The following USP36 variants were observed in gnomAD, a reference collection of about 807,000 sequenced individuals.
The protein encoded by USP36 is ubiquitin carboxyl-terminal hydrolase 36.
In USP36, 59 loss-of-function variants were observed where a neutral mutation model predicts 111.5. The observed-to-expected ratio is 0.53, with a 90% confidence interval of 0.43 to 0.66. The LOEUF is 0.66. Ranked by LOEUF, USP36 falls within the 30% of genes least tolerant of loss-of-function variation. The pLI, the probability that USP36 is intolerant of heterozygous loss-of-function variation, is 0.00. For synonymous variants in USP36, 628 were observed against 581.0 expected (o/e 1.08, Z -1.16); for missense variants, 1,488 against 1,468.0 (o/e 1.01, Z -0.22).
chr17:78,788,160 T>TTTTA (rs1036417271), intron 3 of USP36, among the ~76,000 whole-genome samples: 2 of 152,110 alleles, frequency 1.3e-5, no homozygotes, highest in African/African-American at 2.4e-5. Flanking sequence ...GCATAGGTTA[T>TTTTA]TTTATTTATT....
chr17:78,824,614 T>A (rs982883983), intron 6 of USP36, among the ~76,000 whole-genome samples: 1 of 152,044 alleles, frequency 6.6e-6, no homozygotes, highest in Admixed American at 6.6e-5. Flanking sequence ...TCCAAAGAAA[T>A]TTGAGAAATA....
chr17:78,819,586 G>A (rs983049651), intron 9 of USP36, among the ~76,000 whole-genome samples: 1 of 152,258 alleles, frequency 6.6e-6, no homozygotes, highest in African/African-American at 2.4e-5. Context: ...ACTGATGTGA[G>A]CTCGTGCTCT....
chr17:78,807,363 T>G lies in USP36; in HGVS notation c.1681A>C (p.Ser561Arg). The G allele has an allele frequency of 1.2e-6, 2 of 1,614,232 alleles. No homozygotes were observed. Among genetic ancestry groups the G allele is most frequent in the Non-Finnish European group, 1.7e-6 (2 of 1,180,038 alleles). The change falls in exon 14 of 21, where the codon AGC (serine) becomes CGC (arginine). Residue 561 changes from serine (S) to arginine (R), a missense_variant. Physicochemically the swap from Ser to Arg is moderately radical, Grantham distance 110. Transcript: ENST00000449938. ...TGCCTTTGGCTCCCAGATCTGCTGC[T>G]ATTCGAGTTGCTGGTCCCAGGCAGC... ...QGLPGTSNSN[S>R]SRSGSQRQGS...
intron 8 of USP36, among the ~76,000 whole-genome samples, chr17:78,820,213 G>A (rs1443694649): frequency 2.0e-5 from 3 of 152,160 alleles, no homozygotes; most frequent in Non-Finnish European, 2.9e-5. Flanking sequence ...AGCGGCTCAC[G>A]CCTATAATCC....
chr17:78,822,129 C>T (rs533579308), intron 6 of USP36, 125 bp from the exon 7 acceptor site: 137 of 1,035,924 alleles, frequency 1.3e-4, no homozygotes, highest in African/African-American at 1.3e-4. Flanking sequence ...CTCCACCCCC[C>T]ACCCGAGTCA....
intron 10 of USP36, among the ~76,000 whole-genome samples, chr17:78,817,388 C>T (rs1053184719): frequency 1.3e-5 from 2 of 152,178 alleles, no homozygotes; most frequent in Non-Finnish European, 1.5e-5. Context: ...AGTGAGGAAA[C>T]GGAGGCTCAG....
chr17:78,819,829 G>C, intron 9 of USP36, 101 bp downstream of exon 9: 1 of 1,207,300 alleles, frequency 8.3e-7, no homozygotes, highest in Non-Finnish European at 1.2e-6. Flanking sequence ...TGCGAGCAGC[G>C]GTCACCGCTA....
At chr17:78,818,541 C>G in intron 10 of USP36, 126 bp downstream of exon 10, 1 of 800,586 alleles carries the variant, frequency 1.2e-6, no homozygotes, top group Non-Finnish European at 2.1e-6. Flanking sequence ...TGTGTAGAAC[C>G]TTTAGAACAG....
intron 4 of USP36, among the ~76,000 whole-genome samples, chr17:78,834,190 T>C (rs761164587): frequency 6.7e-5 from 10 of 149,862 alleles, no homozygotes; most frequent in Non-Finnish European, 1.3e-4. Context: ...GAGGTTGCAG[T>C]GAACTGAGAT....
In USP36 at chr17:78,796,445, C is replaced by G. The variant is rs1290471365; in HGVS notation, c.*1455G>C. 1 of 152,252 alleles carries G rather than the reference C, an allele frequency of 6.6e-6. No homozygotes were observed. The highest frequency in any genetic ancestry group is 1.5e-5 in the Non-Finnish European group (1 of 68,060). 9.4% of individuals were successfully genotyped at this position (152,252 alleles called of 1,614,324 possible). On this transcript the variant is annotated 3_prime_UTR_variant, in exon 21 of 21. Coordinates refer to ENST00000449938, the MANE Select transcript of USP36 (RefSeq NM_001385174.1). Reference sequence around the variant, plus strand: ...AGGGCACCCTGAGCAGCTCCACTCACTGCTGCTGGGACACAGGTGGCCACA... The same window carrying G: ...AGGGCACCCTGAGCAGCTCCACTCAGTGCTGCTGGGACACAGGTGGCCACA...
Position 78,810,154 on chromosome 17 carries a change from T to TC in USP36, c.1408-2519_1408-2518insG, listed in dbSNP as rs771045314. Among the ~76,000 whole-genome samples, 714 of 151,784 alleles carry TC rather than the reference T, an allele frequency of 4.7e-3. 28 individuals are homozygous for TC. The East Asian group carries it at 0.083, about 18-fold the overall frequency. On this transcript the variant is annotated intron_variant, in intron 13 of 20. Coordinates refer to ENST00000449938, the MANE Select transcript of USP36 (RefSeq NM_001385174.1). ...TTTTTTTGTAGACAAGGTCTCACTC[T>TC]GTCACCTTGCCTGGAATTCACCAGC... is the stretch of plus-strand genomic sequence containing the variant.
chr17:78,830,990 G>A (rs1021981006), intron 4 of USP36, among the ~76,000 whole-genome samples: 2 of 151,840 alleles, frequency 1.3e-5, no homozygotes, highest in African/African-American at 4.8e-5. Flanking sequence ...ACTTTGGGAG[G>A]CCGAGGCAGG....
At position 78,802,317 on chromosome 17, in the gene USP36, T is replaced by A. The variant is rs1238628644; in HGVS notation, c.3022+7A>T. On this transcript the variant is annotated splice_region_variant and intron_variant, in intron 17 of 20. Coordinates refer to ENST00000449938, the MANE Select transcript of USP36 (RefSeq NM_001385174.1). ...ATGCGGTTCCCACCCCCTCGCCCGG[T>A]GCATACCCATGCGGTCCCCAGGACA... The A allele has an allele frequency of 1.3e-6, 2 of 1,518,302 alleles. No homozygotes were observed. The highest frequency in any genetic ancestry group is 1.8e-6 in the Non-Finnish European group (2 of 1,126,788). 94.1% of individuals were successfully genotyped at this position (1,518,302 alleles called of 1,614,324 possible).
In USP36 at chr17:78,803,321, A is replaced by G. The variant is rs1285214022; in HGVS notation, c.2810+64T>C. On this transcript the variant is annotated intron_variant, in intron 16 of 20. Coordinates refer to ENST00000449938, the MANE Select transcript of USP36 (RefSeq NM_001385174.1). This position sits in a 1 kb window ranked among gnomAD's most constrained non-coding sequence, Gnocchi z 4.6. ...CCAGACCATACCTACTTGGGGGTAG[A>G]TTCTGTGGTTTTGCTTTGTTTCTCG... is the stretch of plus-strand genomic sequence containing the variant. The G allele has an allele frequency of 1.3e-6, 2 of 1,528,122 alleles. No individual in the cohort carries two copies. Among genetic ancestry groups the G allele is most frequent in the East Asian group, 4.5e-5 (2 of 44,024 alleles). 94.7% of individuals were successfully genotyped at this position (1,528,122 alleles called of 1,614,324 possible). A position where few individuals can be genotyped will look rare whatever the true frequency, so the allele number is the denominator to read the frequency against.
At chr17:78,800,773 G>C (rs1392777543) in intron 17 of USP36, among the ~76,000 whole-genome samples, 2 of 152,166 alleles carry the variant, frequency 1.3e-5, no homozygotes, top group Non-Finnish European at 2.9e-5. Flanking sequence ...TGCTGAGCAT[G>C]AGCCCTTACT....
intron 10 of USP36, among the ~76,000 whole-genome samples, chr17:78,815,275 T>C (rs1386158025): frequency 6.6e-6 from 1 of 152,006 alleles, no homozygotes; most frequent in African/African-American, 2.4e-5. Context: ...GAGGTTACAG[T>C]GAGCCGAGAT....
Position 78,814,419 on chromosome 17 carries a change from T to C in USP36, c.1157A>G (p.Tyr386Cys). Reference protein sequence around the residue: ...YSCHAGHYYCYVKASNGQWYQ... With the variant: ...YSCHAGHYYCCVKASNGQWYQ... ...CTGACACAAGCCTCTCACCTTCACG[T>C]AGCAGTAATAGTGCCCGGCATGGCA... Residue 386 changes from tyrosine (Y) to cysteine (C), a missense_variant, in exon 11 of 21, where the codon TAC becomes TGC. Tyr to Cys is a radical substitution (Grantham distance 194). Around this residue, in one of 3 missense-constraint regions of USP36, gnomAD observed 1,073 missense variants for 994.1 expected, o/e 1.08. Coordinates refer to ENST00000449938, the MANE Select transcript of USP36 (RefSeq NM_001385174.1). 1 of 1,614,108 alleles carries C rather than the reference T, an allele frequency of 6.2e-7. No homozygotes were observed. Among genetic ancestry groups the C allele is most frequent in the Non-Finnish European group, 8.5e-7 (1 of 1,180,014 alleles).
downstream of USP36, among the ~76,000 whole-genome samples, chr17:78,790,954 A>G (rs1439137695): frequency 2.0e-5 from 3 of 152,168 alleles, no homozygotes; most frequent in Non-Finnish European, 4.4e-5. Context: ...TAAATGAAGC[A>G]GTAAGGGAGA....
At chr17:78,799,915 G>T (rs1388708353) in intron 17 of USP36, 147 bp from the exon 18 acceptor site, 15 of 540,076 alleles carry the variant, frequency 2.8e-5, no homozygotes, top group Non-Finnish European at 4.5e-5. Context: ...TAAAGACAGG[G>T]TCTCACTATG....
Sources: allele counts gnomAD v4.1 joint callset (sites outside exome capture counted in the v4.1 genomes callset), GRCh38; gene constraint gnomAD v4.1.1; regional missense constraint gnomAD v4.1.1; non-coding constraint Gnocchi (gnomAD v3.1); transcripts MANE v1.5; gene names NCBI Gene and HGNC (gene_info 2026-07-23, HGNC 2026-07-21).